Variants in FUT9 observed in about 807,000 individuals in gnomAD.
FUT9 encodes the protein 4-galactosyl-N-acetylglucosaminide 3-alpha-L-fucosyltransferase 9.
In FUT9, 15 loss-of-function variants were observed where a neutral mutation model predicts 29.7. The ratio of observed to expected loss-of-function variants is 0.51; its 90% confidence interval spans 0.34 to 0.78. The LOEUF (loss-of-function observed/expected upper bound fraction) is 0.78, where lower values mean the gene tolerates loss of function less well. Ranked by LOEUF, FUT9 falls within the 30% of genes least tolerant of loss-of-function variation. FUT9 has a pLI of 0.01. For missense variants in FUT9, 319 were observed against 425.4 expected (o/e 0.75, Z 2.20); for synonymous variants, 169 against 153.7 (o/e 1.10, Z -0.74).
chr6:96,030,860 A>T (rs952924956), intron 1 of FUT9, among the ~76,000 whole-genome samples: 1 of 151,526 alleles, frequency 6.6e-6, no homozygotes. Flanking sequence ...GCACAATTAC[A>T]TTTATACAAC....
intron 2 of FUT9, among the ~76,000 whole-genome samples, chr6:96,159,121 A>G (rs1168181764): frequency 6.6e-6 from 1 of 152,206 alleles, no homozygotes; most frequent in African/African-American, 2.4e-5. Context: ...ATTTACAAGT[A>G]AAATTTTAGA....
intron 2 of FUT9, among the ~76,000 whole-genome samples, chr6:96,196,691 A>G (rs1036420208): frequency 1.3e-5 from 2 of 152,134 alleles, no homozygotes. Flanking sequence ...CGGCCTGGTG[A>G]CAGAGTGAGA....
chr6:96,036,277 G>A (rs1052915285), intron 1 of FUT9, among the ~76,000 whole-genome samples: 1 of 150,988 alleles, frequency 6.6e-6, no homozygotes, highest in Non-Finnish European at 1.5e-5. Flanking sequence ...TAATATTTGA[G>A]TTAATTTTGT....
chr6:96,049,885 T>G (rs1422021543), intron 1 of FUT9, among the ~76,000 whole-genome samples: 1 of 152,186 alleles, frequency 6.6e-6, no homozygotes, highest in East Asian at 1.9e-4. Context: ...TTACTATGTG[T>G]CAGGCAGCGT....
intron 1 of FUT9, among the ~76,000 whole-genome samples, chr6:96,050,335 T>A (rs1350449993): frequency 6.6e-6 from 1 of 152,208 alleles, no homozygotes; most frequent in Non-Finnish European, 1.5e-5. Flanking sequence ...ATCACCATTT[T>A]AAAAATTTTG....
chr6:96,138,844 G>T (rs1160818582), intron 2 of FUT9, among the ~76,000 whole-genome samples: 1 of 151,984 alleles, frequency 6.6e-6, no homozygotes, highest in African/African-American at 2.4e-5. Flanking sequence ...AGTTTCTCTT[G>T]AACTTCTACT....
chr6:96,103,564 G>T (rs980456465), intron 1 of FUT9, among the ~76,000 whole-genome samples: 3 of 151,894 alleles, frequency 2.0e-5, no homozygotes, highest in African/African-American at 4.8e-5. Context: ...GCTCCAAAAA[G>T]AATCATTTCT....
intron 1 of FUT9, among the ~76,000 whole-genome samples, chr6:96,071,112 T>G (rs1771051316): frequency 6.6e-6 from 1 of 152,192 alleles, no homozygotes; most frequent in Admixed American, 6.5e-5. Context: ...GAAATCTAAT[T>G]TTGCATTTTA....
At chr6:96,176,759 C>T (rs10457971) in intron 2 of FUT9, among the ~76,000 whole-genome samples, 25,704 of 152,040 alleles carry the variant, frequency 0.17, 2,496 homozygotes, top group East Asian at 0.24. Context: ...TTTGGTTCTG[C>T]GGCCGGGATA....
At chr6:96,162,771 T>C (rs1772936924) in intron 2 of FUT9, among the ~76,000 whole-genome samples, 1 of 152,242 alleles carries the variant, frequency 6.6e-6, no homozygotes, top group South Asian at 2.1e-4. Context: ...AAATAGAGCC[T>C]ACATCTGGCA....
At chr6:96,152,848 A>G (rs1206918778) in intron 2 of FUT9, among the ~76,000 whole-genome samples, 1 of 152,236 alleles carries the variant, frequency 6.6e-6, no homozygotes, top group Admixed American at 6.5e-5. Flanking sequence ...CTAAAAATGC[A>G]TATATATTCA....
At chr6:96,080,906 A>T (rs1446898018) in intron 1 of FUT9, among the ~76,000 whole-genome samples, 2 of 151,980 alleles carry the variant, frequency 1.3e-5, no homozygotes, top group African/African-American at 4.8e-5. Flanking sequence ...TCTTATTTGA[A>T]GAATTAGCAA....
chr6:96,206,504 C>T lies in FUT9; in HGVS notation c.*2269C>T, dbSNP rs1023200577. On this transcript the variant is annotated 3_prime_UTR_variant, in exon 3 of 3. Coordinates refer to ENST00000302103, the MANE Select transcript of FUT9 (RefSeq NM_006581.4). Reference sequence around the variant, plus strand: ...TTGTGATAGAGTCTTGCTCTGTCGCCCAGGCCGGAGTGCAGTGGTGCAGTC... The same window carrying T: ...TTGTGATAGAGTCTTGCTCTGTCGCTCAGGCCGGAGTGCAGTGGTGCAGTC... 6.0e-6 allele frequency: 1 copy of T among 166,764 alleles called. No homozygotes were observed. Among genetic ancestry groups the T allele is most frequent in the South Asian group, 2.1e-4 (1 of 4,824 alleles). 10.3% of individuals were successfully genotyped at this position (166,764 alleles called of 1,614,324 possible). A position where few individuals can be genotyped will look rare whatever the true frequency, so the allele number is the denominator to read the frequency against.
At chr6:96,188,415 G>A (rs907927378) in intron 2 of FUT9, among the ~76,000 whole-genome samples, 1 of 151,980 alleles carries the variant, frequency 6.6e-6, no homozygotes, top group Admixed American at 6.6e-5. Flanking sequence ...TCCTGCCTTG[G>A]CCTTCCAAAG....
intron 1 of FUT9, among the ~76,000 whole-genome samples, chr6:96,040,575 C>T (rs1184890731): frequency 6.6e-6 from 1 of 152,182 alleles, no homozygotes; most frequent in African/African-American, 2.4e-5. Flanking sequence ...TGATCCTACT[C>T]TGTAGTATCC....
At chr6:96,192,463 C>G (rs1163263194) in intron 2 of FUT9, among the ~76,000 whole-genome samples, 3 of 151,476 alleles carry the variant, frequency 2.0e-5, no homozygotes, top group Admixed American at 6.6e-5. Flanking sequence ...TTGCTTCAAA[C>G]AGAATAAAAT....
At chr6:96,085,975 G>A (rs1390387189) in intron 1 of FUT9, among the ~76,000 whole-genome samples, 1 of 152,070 alleles carries the variant, frequency 6.6e-6, no homozygotes, top group Non-Finnish European at 1.5e-5. Context: ...AAAATTGGAT[G>A]TAAAATTACT....
chr6:96,200,334 A>C (rs1325245685), intron 2 of FUT9, among the ~76,000 whole-genome samples: 1 of 152,186 alleles, frequency 6.6e-6, no homozygotes, highest in Admixed American at 6.6e-5. Context: ...TTGAGATACC[A>C]ATAGCAAATG....
intron 2 of FUT9, among the ~76,000 whole-genome samples, chr6:96,115,665 G>A (rs944984992): frequency 3.3e-5 from 5 of 152,022 alleles, no homozygotes; most frequent in South Asian, 2.1e-4. Context: ...ATAATGCTTC[G>A]GTTCTGCTAC....
Sources: gnomAD v4.1 joint callset for allele counts (sites outside exome capture counted in the v4.1 genomes callset) on GRCh38, gnomAD v4.1.1 for gene constraint, MANE v1.5 for transcripts, NCBI Gene and HGNC (gene_info 2026-07-23, HGNC 2026-07-21) for gene names.